Variants in STAG1 observed in about 807,000 individuals in gnomAD.
STAG1 encodes cohesin subunit SA-1.
A neutral mutation model predicts 170.9 loss-of-function variants in STAG1; 26 were observed. The ratio of observed to expected loss-of-function variants is 0.15; its 90% confidence interval spans 0.11 to 0.21. STAG1 has a LOEUF of 0.21. Ranked by LOEUF, STAG1 falls within the 10% of genes least tolerant of loss-of-function variation. The pLI, the probability that STAG1 is intolerant of heterozygous loss-of-function variation, is 1.00. For synonymous variants in STAG1, 514 were observed against 497.7 expected, an observed-to-expected ratio of 1.03 and a Z score of -0.44; for missense variants, 964 against 1,509.5, an observed-to-expected ratio of 0.64 and a Z score of 5.99.
chr3:136,585,095 C>A (rs1372731372), intron 4 of STAG1, among the ~76,000 whole-genome samples: 3 of 152,104 alleles, frequency 2.0e-5, no homozygotes, highest in African/African-American at 4.8e-5. Context: ...ATCTCCAATG[C>A]CTTCAACAAT....
chr3:136,452,555 G>GAAAAAAAAA (rs796971118), intron 13 of STAG1, among the ~76,000 whole-genome samples: 1 of 124,996 alleles, frequency 8.0e-6, no homozygotes, highest in Non-Finnish European at 1.7e-5. Context: ...CAGAGACTCC[G>GAAAAAAAAA]AAAAAAAAAA....
At chr3:136,450,584 CCTA>C (rs1193678822) in intron 14 of STAG1, among the ~76,000 whole-genome samples, 1 of 152,166 alleles carries the variant, frequency 6.6e-6, no homozygotes, top group Non-Finnish European at 1.5e-5. Context: ...CTTCCTTATT[CCTA>C]CTAAGTTCCC....
intron 10 of STAG1, 31 bp from the exon 11 acceptor site, chr3:136,473,668 A>G: frequency 6.5e-7 from 1 of 1,530,502 alleles, no homozygotes; most frequent in Non-Finnish European, 9.0e-7. Flanking sequence ...GCACAACAGA[A>G]GGAGTCAATT....
chr3:136,494,306 A>G (rs983012976), intron 9 of STAG1, among the ~76,000 whole-genome samples: 1 of 152,148 alleles, frequency 6.6e-6, no homozygotes, highest in Non-Finnish European at 1.5e-5. Context: ...AACAAAACTT[A>G]AAAAAATTCA....
Position 136,408,738 on chromosome 3 carries a change from T to C in STAG1, c.2196+9147A>G, listed in dbSNP as rs539820156. On this transcript the variant is annotated intron_variant, in intron 21 of 33. Transcript: ENST00000383202. ...ATGACAAGGTAGACAGCAAGTAGGATGTACAGTGTGTGTGCTGATGAAGAA... is the reference window on the plus strand; with the variant it reads ...ATGACAAGGTAGACAGCAAGTAGGACGTACAGTGTGTGTGCTGATGAAGAA... Among the ~76,000 whole-genome samples, 4 of 152,310 alleles carry C rather than the reference T, an allele frequency of 2.6e-5. No individual in the cohort carries two copies. The South Asian group carries it at 6.2e-4, about 24-fold the overall frequency.
At chr3:136,517,598 A>G (rs1250139999) in intron 7 of STAG1, among the ~76,000 whole-genome samples, 1 of 152,158 alleles carries the variant, frequency 6.6e-6, no homozygotes. Flanking sequence ...TAAAACAAAG[A>G]AAATCTTACC....
intron 22 of STAG1, among the ~76,000 whole-genome samples, chr3:136,380,453 G>GA (rs1425622619): frequency 1.3e-5 from 2 of 151,974 alleles, no homozygotes; most frequent in African/African-American, 4.8e-5. Flanking sequence ...TGTTGGCCAA[G>GA]ATGGTCTTGA....
chr3:136,542,201 GAAC>G lies in STAG1; in HGVS notation c.395-9_395-7del. The G allele has an allele frequency of 6.3e-7, 1 of 1,598,280 alleles. No homozygotes were observed. Among genetic ancestry groups the G allele is most frequent in the Non-Finnish European group, 8.5e-7 (1 of 1,172,324 alleles). On this transcript the variant is annotated splice_polypyrimidine_tract_variant and splice_region_variant and intron_variant, in intron 5 of 33. Transcript: ENST00000383202. ...CATCTCTATTCTCACAGTACCTGTG[GAAC>G]AACAGATTTTACATTAATCTTTCAA... is the stretch of plus-strand genomic sequence containing the variant.
At chr3:136,358,893 ACT>A in intron 27 of STAG1, among the ~76,000 whole-genome samples, 1 of 152,032 alleles carries the variant, frequency 6.6e-6, no homozygotes, top group African/African-American at 2.4e-5. Flanking sequence ...TCTCAAACCC[ACT>A]GTTTTCTTAC....
Position 136,422,939 on chromosome 3 carries a change from A to C in STAG1, c.1743+13T>G, listed in dbSNP as rs776822873. On this transcript the variant is annotated intron_variant, in intron 17 of 33. Transcript: ENST00000383202. ...AACTCAGTGACATAACAAAACTGTAAATGAAACTGTACCTTTGACAGTAAC... is the reference window on the plus strand; with the variant it reads ...AACTCAGTGACATAACAAAACTGTACATGAAACTGTACCTTTGACAGTAAC... 1 of 1,592,602 alleles carries C rather than the reference A, an allele frequency of 6.3e-7. No homozygotes were observed. The highest frequency in any genetic ancestry group is 1.1e-5 in the South Asian group (1 of 87,762).
intron 4 of STAG1, among the ~76,000 whole-genome samples, chr3:136,580,927 T>A (rs1210706023): frequency 6.6e-6 from 1 of 152,232 alleles, no homozygotes; most frequent in African/African-American, 2.4e-5. Context: ...TACTTTGGTA[T>A]ATGGTATGAG....
intron 1 of STAG1, among the ~76,000 whole-genome samples, chr3:136,710,780 C>T (rs1264127595): frequency 6.6e-6 from 1 of 151,514 alleles, no homozygotes; most frequent in Non-Finnish European, 1.5e-5. Flanking sequence ...TGCCAAAGTC[C>T]CCCTACCAAA....
intron 5 of STAG1, among the ~76,000 whole-genome samples, chr3:136,557,601 G>T (rs1057428746): frequency 6.6e-6 from 1 of 152,148 alleles, no homozygotes. Context: ...GGGGTGCAGT[G>T]GTGTGAGCTC....
At chr3:136,354,596 T>G (rs1002546075) in intron 28 of STAG1, among the ~76,000 whole-genome samples, 2 of 151,366 alleles carry the variant, frequency 1.3e-5, no homozygotes, top group Non-Finnish European at 2.9e-5. Context: ...GCCACTGCAC[T>G]CGGCCAGTAA....
At position 136,336,458 on chromosome 3, in the gene STAG1, C is replaced by T. The variant is rs1425565795; in HGVS notation, c.*1796G>A. 2 of 152,254 alleles carry T rather than the reference C, an allele frequency of 1.3e-5. No individual in the cohort carries two copies. The allele number at this position is 152,254 out of a possible 1,614,324, so 9.4% of individuals were successfully genotyped here. ...GTGGCATGGTAGTCTACAATTCTGT[C>T]AGCATCTGTTTTCCATACAAGACTG... On this transcript the variant is annotated 3_prime_UTR_variant, in exon 34 of 34. Coordinates refer to ENST00000383202, the MANE Select transcript of STAG1 (RefSeq NM_005862.3).
At chr3:136,398,199 C>A (rs2087222898) in intron 22 of STAG1, among the ~76,000 whole-genome samples, 1 of 151,916 alleles carries the variant, frequency 6.6e-6, no homozygotes, top group Non-Finnish European at 1.5e-5. Flanking sequence ...CTCACTGCAA[C>A]CTCTACCTCC....
chr3:136,571,491 C>G (rs1466976688), intron 4 of STAG1, among the ~76,000 whole-genome samples: 1 of 151,952 alleles, frequency 6.6e-6, no homozygotes. Flanking sequence ...ATCACTTGAG[C>G]CTGTAAGGTC....
intron 5 of STAG1, among the ~76,000 whole-genome samples, chr3:136,546,123 T>C (rs1412882726): frequency 1.3e-5 from 2 of 152,180 alleles, no homozygotes; most frequent in Non-Finnish European, 2.9e-5. Context: ...CTATCCTAGC[T>C]AGAGCTATAG....
intron 26 of STAG1, among the ~76,000 whole-genome samples, chr3:136,362,807 T>C (rs548657201): frequency 1.9e-3 from 293 of 151,968 alleles, no homozygotes; most frequent in South Asian, 7.5e-3. Context: ...TAAACAGCTA[T>C]TTTTTTCAAA....
Sources: gnomAD v4.1 joint callset for allele counts (sites outside exome capture counted in the v4.1 genomes callset) on GRCh38, gnomAD v4.1.1 for gene constraint, MANE v1.5 for transcripts, NCBI Gene and HGNC (gene_info 2026-07-23, HGNC 2026-07-21) for gene names.